PERM1: variants seen among roughly 807,000 people sequenced by gnomAD.
The protein encoded by PERM1 is PGC-1 and ERR-induced regulator in muscle protein 1.
In PERM1, 45 loss-of-function variants were observed where a neutral mutation model predicts 44.1. The observed-to-expected ratio is 1.02, with a 90% confidence interval of 0.80 to 1.31. The LOEUF (loss-of-function observed/expected upper bound fraction) is 1.31, where lower values mean the gene tolerates loss of function less well. Among genes scored for constraint, PERM1 ranks in the 50% most tolerant of loss-of-function variants. PERM1 has a pLI of 0.00. For missense variants in PERM1, 1,189 were observed against 1,106.9 expected (o/e 1.07, Z -1.05); for synonymous variants, 565 against 477.1 (o/e 1.18, Z -2.40).
At chr1:980,162 C>A in exon 1 of PERM1, 1 of 1,550,444 alleles carries the variant, frequency 6.4e-7, no homozygotes, top group Non-Finnish European at 8.7e-7. Context: ...CTTGAGACAT[C>A]TGGGAGGGCT....
At chr1:980,910 G>A in exon 1 of PERM1, 1 of 1,416,340 alleles carries the variant, frequency 7.1e-7, no homozygotes, top group Non-Finnish European at 9.1e-7. Flanking sequence ...CAATGTCACT[G>A]GACAAGAGCT....
At chr1:979,038 G>T (rs773737688) in exon 1 of PERM1, 2 of 1,540,492 alleles carry the variant, frequency 1.3e-6, no homozygotes, top group Non-Finnish European at 1.8e-6. Context: ...CCTCCCCGAA[G>T]AAGAAGTGTT....
exon 1 of PERM1, chr1:980,966 C>T (rs946599082): frequency 1.0e-5 from 15 of 1,470,618 alleles, no homozygotes; most frequent in South Asian, 2.7e-5. Context: ...CACTCATCGG[C>T]GGTGGCTGAG....
exon 1 of PERM1, chr1:980,249 C>A: frequency 1.9e-6 from 3 of 1,550,420 alleles, no homozygotes; most frequent in Non-Finnish European, 1.7e-6. Context: ...TGCTCTGTCA[C>A]AGGGACAGGT....
chr1:976,427 C>A, intron 2 of PERM1, 72 bp downstream of exon 3: 1 of 1,546,078 alleles, frequency 6.5e-7, no homozygotes, highest in Non-Finnish European at 8.7e-7. Flanking sequence ...GGCCCCCGTG[C>A]ACCCCTCGTC....
exon 1 of PERM1, chr1:978,982 T>C: frequency 1.3e-6 from 2 of 1,522,052 alleles, no homozygotes; most frequent in South Asian, 2.5e-5. Context: ...CTCCAGGGCC[T>C]GCAGTGGGAG....
At position 978,373 on chromosome 1, in the gene PERM1, G is replaced by A. The variant is rs28376316; in HGVS notation, c.2149+508C>T. On this transcript the variant is annotated intron_variant, in intron 1 of 2. Coordinates refer to ENST00000433179, the Ensembl canonical transcript of PERM1. The stretch of plus-strand genomic sequence containing the variant: ...CGTCTTCCTGAGAACTGGTTGCCCC[G>A]GGAACCGCCTGCCCCGGGAACCGCC... Among the ~76,000 whole-genome samples the A allele has an allele frequency of 1.0e-2, 1,481 of 148,762 alleles. 21 individuals are homozygous for A. Among genetic ancestry groups the A allele is most frequent in the African/African-American group, 0.035 (1,402 of 40,424 alleles).
upstream of PERM1, chr1:981,942 AG>A (rs1402930330): frequency 2.5e-6 from 2 of 786,258 alleles, no homozygotes; most frequent in Non-Finnish European, 3.6e-6. Flanking sequence ...GACGGAGGCC[AG>A]GGCATGGTGG....
exon 1 of PERM1, chr1:979,123 G>C (rs113247740): frequency 1.3e-6 from 2 of 1,549,962 alleles, no homozygotes; most frequent in African/African-American, 1.4e-5. Context: ...TCTCGGGAGC[G>C]GCTCCGGGGA....
chr1:979,103 C>T, exon 1 of PERM1: 2 of 1,549,648 alleles, frequency 1.3e-6, no homozygotes, highest in Non-Finnish European at 8.7e-7. Flanking sequence ...GGGGCCGGCA[C>T]AGGATCAGCT....
chr1:980,638 G>T (rs969135399), exon 1 of PERM1: 15 of 1,441,554 alleles, frequency 1.0e-5, no homozygotes, highest in Admixed American at 2.9e-5. Flanking sequence ...AGAAGACGCC[G>T]GACCAGGGCA....
At chr1:978,260 C>T (rs1402431241) in intron 1 of PERM1, among the ~76,000 whole-genome samples, 2 of 149,740 alleles carry the variant, frequency 1.3e-5, no homozygotes, top group Admixed American at 6.6e-5. Context: ...CAGATACATC[C>T]ATCATGGGAC....
exon 1 of PERM1, chr1:979,504 G>A: frequency 6.5e-7 from 1 of 1,549,902 alleles, no homozygotes; most frequent in Non-Finnish European, 8.7e-7. Context: ...GCTGGGCCCA[G>A]CCACGGAGAA....
At chr1:981,109 T>C, upstream of PERM1, 1 of 1,549,194 alleles carries the variant, frequency 6.5e-7, no homozygotes, top group South Asian at 1.2e-5. Flanking sequence ...GGCACCACCC[T>C]GCACATGCCG....
At chr1:978,497 A>C (rs1267357637) in intron 1 of PERM1, among the ~76,000 whole-genome samples, 1 of 152,162 alleles carries the variant, frequency 6.6e-6, no homozygotes, top group Non-Finnish European at 1.5e-5. Flanking sequence ...GGGAACTGCC[A>C]GTGGAGGCCC....
At chr1:980,283 T>G in exon 1 of PERM1, 1 of 1,550,364 alleles carries the variant, frequency 6.5e-7, no homozygotes, top group Non-Finnish European at 8.7e-7. Flanking sequence ...AACCTGGCCC[T>G]GGTCTGTCTT....
exon 1 of PERM1, chr1:980,816 G>T (rs553946491): frequency 2.1e-6 from 3 of 1,397,788 alleles, no homozygotes; most frequent in Middle Eastern, 2.6e-4. Context: ...TCGCAGCCCC[G>T]CCGGCTCCGC....
chr1:980,135 C>T (rs1360082822), exon 1 of PERM1: 1 of 1,550,256 alleles, frequency 6.5e-7, no homozygotes, highest in East Asian at 2.4e-5. Context: ...GTAGACACAG[C>T]CATGTCTGAC....
exon 1 of PERM1, chr1:979,117 G>T: frequency 2.6e-6 from 4 of 1,549,946 alleles, no homozygotes; most frequent in Non-Finnish European, 3.5e-6. Flanking sequence ...ATCAGCTCTC[G>T]GGAGCGGCTC....
Sources: allele counts gnomAD v4.1 joint callset (sites outside exome capture counted in the v4.1 genomes callset), GRCh38; gene constraint gnomAD v4.1.1; transcripts MANE v1.5; gene names NCBI Gene and HGNC (gene_info 2026-07-23, HGNC 2026-07-21).